Variants in FHAD1 observed in about 807,000 individuals in gnomAD.
The protein encoded by FHAD1 is forkhead associated phosphopeptide binding domain 1.
Under a neutral mutation model 191.3 loss-of-function variants are expected in FHAD1, and 146 were observed. The ratio of observed to expected loss-of-function variants is 0.76; its 90% CI spans 0.67 to 0.88. The LOEUF is 0.88. FHAD1 is among the 40% of genes least tolerant of loss of function. The probability of loss-of-function intolerance (pLI) is 0.00; values close to 1 mark genes in which losing one functional copy is unlikely to be tolerated. For missense variants in FHAD1, 1,635 were observed against 1,785.8 expected, an observed-to-expected ratio of 0.92 and a Z score of 1.52; for synonymous variants, 616 against 672.3, an observed-to-expected ratio of 0.92 and a Z score of 1.29.
At chr1:15,258,616 G>A (rs531450152) in intron 2 of FHAD1, among the ~76,000 whole-genome samples, 15 of 147,300 alleles carry the variant, frequency 1.0e-4, no homozygotes, top group African/African-American at 2.3e-4. Flanking sequence ...TCAGAGTCTC[G>A]CTCTGTTGCC....
At chr1:15,299,667 G>A (rs2100852826) in intron 5 of FHAD1, among the ~76,000 whole-genome samples, 1 of 152,328 alleles carries the variant, frequency 6.6e-6, no homozygotes, top group Non-Finnish European at 1.5e-5. Flanking sequence ...CAGAAAGGCA[G>A]GAACCATAGC....
intron 10 of FHAD1, among the ~76,000 whole-genome samples, chr1:15,320,606 C>T (rs1675932312): frequency 6.6e-6 from 1 of 152,118 alleles, no homozygotes; most frequent in South Asian, 2.1e-4. Flanking sequence ...CAAGATGTTC[C>T]TCTTCATTGC....
intron 2 of FHAD1, among the ~76,000 whole-genome samples, chr1:15,266,905 T>C (rs1301619685): frequency 6.6e-6 from 1 of 152,280 alleles, no homozygotes; most frequent in Admixed American, 6.5e-5. Flanking sequence ...TGTATCTTTT[T>C]GTGGCTTGAG....
intron 3 of FHAD1, among the ~76,000 whole-genome samples, chr1:15,275,771 C>T (rs1189289049): frequency 6.6e-6 from 1 of 152,122 alleles, no homozygotes; most frequent in Non-Finnish European, 1.5e-5. Flanking sequence ...TGTCTTGATT[C>T]CAGCATGCTC....
intron 19 of FHAD1, among the ~76,000 whole-genome samples, chr1:15,349,876 A>C (rs1348849197): frequency 6.6e-6 from 1 of 152,092 alleles, no homozygotes; most frequent in African/African-American, 2.4e-5. Context: ...GGCCCACCAG[A>C]CACACCTGCC....
chr1:15,391,619 A>T (rs1267816689), intron 33 of FHAD1, among the ~76,000 whole-genome samples: 2 of 152,254 alleles, frequency 1.3e-5, no homozygotes, highest in Non-Finnish European at 2.9e-5. Context: ...GAGGCAAGCT[A>T]TCAGGAAGCT....
chr1:15,263,843 C>T (rs919885760), intron 2 of FHAD1, among the ~76,000 whole-genome samples: 10 of 152,142 alleles, frequency 6.6e-5, no homozygotes, highest in African/African-American at 2.4e-4. Flanking sequence ...TTTACTAATA[C>T]ATGTGGATAT....
At chr1:15,303,848 CAAAAA>C (rs765601462) in intron 6 of FHAD1, among the ~76,000 whole-genome samples, 1 of 104,428 alleles carries the variant, frequency 9.6e-6, no homozygotes, top group African/African-American at 3.2e-5. Flanking sequence ...GACTCTGTCT[CAAAAA>C]AAAAAAAAAA....
chr1:15,280,201 G>A (rs1203698059), intron 3 of FHAD1, among the ~76,000 whole-genome samples: 1 of 152,100 alleles, frequency 6.6e-6, no homozygotes, highest in African/African-American at 2.4e-5. Flanking sequence ...CGAGTAACTG[G>A]GGATTGAACA....
In FHAD1 at chr1:15,316,382, C is replaced by T. The variant is rs772246401; in HGVS notation, c.1175C>T (p.Ser392Leu). Reference sequence around the variant, plus strand: ...GTGTTGCCCTTTTCTCCACAGTGCTCGGTGCTAAAGGAAGAGTTAAAACAG... The same window carrying T: ...GTGTTGCCCTTTTCTCCACAGTGCTTGGTGCTAAAGGAAGAGTTAAAACAG... The part of the protein sequence containing the change: ...HQLEALGSRC[S>L]VLKEELKQED... The change falls in exon 9 of 34, where the codon TCG becomes TTG. Residue 392 changes from serine to leucine, a missense_variant. Physicochemically the swap from Ser to Leu is moderately radical, Grantham distance 145. Transcript: ENST00000688493. The surrounding 1 kb of genome is among the most constrained non-coding windows in gnomAD (Gnocchi z 4.3). The T allele has an allele frequency of 1.0e-5, 16 of 1,551,408 alleles. No individual in the cohort carries two copies. The highest frequency in any genetic ancestry group is 3.4e-4 in the Middle Eastern group (2 of 5,960).
At chr1:15,340,136 A>G (rs1472172752) in intron 15 of FHAD1, among the ~76,000 whole-genome samples, 3 of 152,216 alleles carry the variant, frequency 2.0e-5, no homozygotes, top group Non-Finnish European at 4.4e-5. Context: ...TAATGCCATC[A>G]GATTTTGAAA....
In FHAD1 at chr1:15,287,785, T is replaced by C. The variant is rs572428957; in HGVS notation, c.301-1614T>C. 9.2e-4 allele frequency among the ~76,000 whole-genome samples: 140 copies of C among 152,302 alleles called. 1 individual carries two copies. The Middle Eastern group carries it at 0.014, about 15-fold the overall frequency. On this transcript the variant is annotated intron_variant, in intron 3 of 33. Coordinates refer to ENST00000688493, the MANE Select transcript of FHAD1 (RefSeq NM_001391957.1). The stretch of plus-strand genomic sequence containing the variant: ...AATGCATAGGATCCCTGAGCAGCTG[T>C]AGACAGACTGCAGCTTGGAGATTAG...
chr1:15,362,471 A>T (rs1695118595), intron 22 of FHAD1, among the ~76,000 whole-genome samples, 171 bp from the exon 23 acceptor site: 2 of 152,336 alleles, frequency 1.3e-5, no homozygotes, highest in Non-Finnish European at 2.9e-5. Flanking sequence ...GCATGGCCAC[A>T]CACTTGGGGA....
chr1:15,273,079 G>A (rs1656808299), intron 3 of FHAD1, among the ~76,000 whole-genome samples: 2 of 152,320 alleles, frequency 1.3e-5, no homozygotes, highest in Middle Eastern at 3.4e-3. Context: ...ATCAGAATTT[G>A]AGGGGGACTG....
chr1:15,311,718 A>G lies in FHAD1; in HGVS notation c.1040-1339A>G, dbSNP rs1293588847. 2.0e-5 allele frequency among the ~76,000 whole-genome samples: 3 copies of G among 152,222 alleles called. No individual in the cohort carries two copies. The highest frequency in any genetic ancestry group is 4.4e-5 in the Non-Finnish European group (3 of 68,042). On this transcript the variant is annotated intron_variant, in intron 7 of 33. Transcript: ENST00000688493. The surrounding 1 kb of genome is among the most constrained non-coding windows in gnomAD (Gnocchi z 4.1). ...GAAAAGGACCGTATGAGATAACCCA[A>G]TACCACTGCATTATGCACCCTTCTT...
At chr1:15,390,032 T>C (rs1000197308) in intron 32 of FHAD1, among the ~76,000 whole-genome samples, 2 of 152,130 alleles carry the variant, frequency 1.3e-5, no homozygotes, top group African/African-American at 2.4e-5. Context: ...CGGCTATGCC[T>C]CATTTGGTCC....
intron 19 of FHAD1, among the ~76,000 whole-genome samples, chr1:15,350,277 C>T (rs1032072716): frequency 1.3e-5 from 2 of 152,220 alleles, no homozygotes; most frequent in East Asian, 3.9e-4. Context: ...AGACAGCCTG[C>T]GGAAGCAGGG....
chr1:15,332,011 A>G (rs911245750), intron 14 of FHAD1, among the ~76,000 whole-genome samples: 2 of 152,174 alleles, frequency 1.3e-5, no homozygotes, highest in Admixed American at 6.5e-5. Flanking sequence ...CATCAATTTT[A>G]TATTCTTTCC....
intron 24 of FHAD1, 45 bp from the exon 25 acceptor site, chr1:15,367,418 C>A (rs1161805159): frequency 1.3e-6 from 2 of 1,535,628 alleles, no homozygotes; most frequent in Non-Finnish European, 8.8e-7. Flanking sequence ...ATCACTTGAA[C>A]CCGGGAGGCA....
Sources: allele counts gnomAD v4.1 joint callset (sites outside exome capture counted in the v4.1 genomes callset), GRCh38; gene constraint gnomAD v4.1.1; non-coding constraint Gnocchi (gnomAD v3.1); transcripts MANE v1.5; gene names NCBI Gene and HGNC (gene_info 2026-07-23, HGNC 2026-07-21).